The following FAM174B variants were observed in gnomAD, a reference collection of about 807,000 sequenced individuals.
FAM174B encodes the protein family with sequence similarity 174 member B.
A neutral mutation model predicts 10.9 loss-of-function variants in FAM174B; 12 were observed. The observed-to-expected ratio is 1.10, with a 90% CI of 0.71 to 1.79. FAM174B has a LOEUF of 1.79. Among genes scored for constraint, FAM174B ranks in the 40% most tolerant of loss-of-function variants. FAM174B has a pLI of 0.00. For synonymous variants in FAM174B, 132 were observed against 115.8 expected, an observed-to-expected ratio of 1.14 and a Z score of -0.90; for missense variants, 266 against 233.3, an observed-to-expected ratio of 1.14 and a Z score of -0.91.
At chr15:92,652,585 G>C (rs187374909) in intron 1 of FAM174B, among the ~76,000 whole-genome samples, 5 of 152,256 alleles carry the variant, frequency 3.3e-5, no homozygotes, top group Admixed American at 2.0e-4. Flanking sequence ...GATGAGACAG[G>C]CATTCCTGCA....
At chr15:92,646,323 T>G (rs62022578) in intron 1 of FAM174B, among the ~76,000 whole-genome samples, 22,830 of 152,192 alleles carry the variant, frequency 0.15, 1,944 homozygotes, top group East Asian at 0.3. Context: ...TGGAATTGGC[T>G]TCCAAAATCC....
At position 92,621,247 on chromosome 15, in the gene FAM174B, T is replaced by C. The variant is rs546021130; in HGVS notation, c.477-1788A>G. Among the ~76,000 whole-genome samples, 8 of 152,346 alleles carry C rather than the reference T, an allele frequency of 5.3e-5. No individual in the cohort carries two copies. The South Asian group carries it at 1.7e-3, about 32-fold the overall frequency. Reference sequence around the variant, plus strand: ...AACAGGAAAATATGAGTTAAAAGTATAGGGTGTTCCCTACGCTATTTTTAT... The same window carrying C: ...AACAGGAAAATATGAGTTAAAAGTACAGGGTGTTCCCTACGCTATTTTTAT... On this transcript the variant is annotated intron_variant, in intron 2 of 2. Transcript: ENST00000327355.
intron 2 of FAM174B, chr15:92,619,708 T>A (rs1330206895): frequency 8.8e-6 from 5 of 571,026 alleles, no homozygotes; most frequent in Non-Finnish European, 1.6e-5. Flanking sequence ...GAACACAACC[T>A]CTTTCTCCTT....
intron 2 of FAM174B, 138 bp from the exon 3 acceptor site, chr15:92,619,597 G>A (rs1207268872): frequency 1.7e-5 from 17 of 977,108 alleles, no homozygotes; most frequent in East Asian, 7.7e-5. Flanking sequence ...ACCTTTGAGC[G>A]TGCTGTCTGG....
chr15:92,652,407 G>A (rs183002471), intron 1 of FAM174B, among the ~76,000 whole-genome samples: 5 of 152,252 alleles, frequency 3.3e-5, no homozygotes, highest in Admixed American at 1.3e-4. Context: ...CTCAGGCCAC[G>A]CAGTGCCTCC....
chr15:92,627,131 T>C (rs1321768463), intron 2 of FAM174B: 1 of 151,860 alleles, frequency 6.6e-6, no homozygotes, highest in Non-Finnish European at 1.5e-5. Context: ...AGAGATGGAA[T>C]GCACATCATT....
intron 2 of FAM174B, chr15:92,627,522 C>T (rs2050760988): frequency 6.5e-6 from 1 of 154,344 alleles, no homozygotes; most frequent in Non-Finnish European, 1.5e-5. Flanking sequence ...AGGGAAAGGC[C>T]CCTTTTCCCA....
chr15:92,634,965 T>G (rs746878218), intron 1 of FAM174B, among the ~76,000 whole-genome samples: 23 of 152,324 alleles, frequency 1.5e-4, no homozygotes, highest in Non-Finnish European at 2.6e-4. Flanking sequence ...ATCGGCTCTT[T>G]GTGAGTCTGC....
intron 1 of FAM174B, among the ~76,000 whole-genome samples, chr15:92,654,730 C>G (rs539026726): frequency 2.0e-5 from 3 of 151,050 alleles, no homozygotes; most frequent in East Asian, 3.9e-4. Flanking sequence ...ACCCCTCCAG[C>G]GTAATTCTGG....
rs568399521 is a variant in FAM174B, at chr15:92,630,596, T to C, written c.345-251A>G. 4.3e-4 allele frequency among the ~76,000 whole-genome samples: 66 copies of C among 151,850 alleles called. 1 individual carries two copies. In the South Asian group the frequency reaches 0.012, roughly 29 times the overall value. ...TTATGGTCATGGGACCTCAAGTGAG[T>C]GACCGACCTCGCTAACCCTTAAAGC... On this transcript the variant is annotated intron_variant, in intron 1 of 2. Transcript: ENST00000327355.
intron 2 of FAM174B, chr15:92,619,690 A>AT: frequency 8.9e-5 from 52 of 581,626 alleles, no homozygotes; most frequent in South Asian, 2.7e-4. Flanking sequence ...CCCCACACAG[A>AT]CTCCCTAGAA....
Position 92,617,563 on chromosome 15 carries a change from A to T in FAM174B, c.*1893T>A. On this transcript the variant is annotated 3_prime_UTR_variant, in exon 3 of 3. Coordinates refer to ENST00000327355, the MANE Select transcript of FAM174B (RefSeq NM_207446.3). Reference sequence around the variant, plus strand: ...CCAGGACCAGTGGCAAGCACCTGGCAGATGGAGCCCGGGTGTTTCTGCGTA... The same window carrying T: ...CCAGGACCAGTGGCAAGCACCTGGCTGATGGAGCCCGGGTGTTTCTGCGTA... The T allele has an allele frequency of 1.9e-6, 1 of 538,058 alleles. No individual in the cohort carries two copies. Among genetic ancestry groups the T allele is most frequent in the Non-Finnish European group, 3.3e-6 (1 of 305,396 alleles). The allele number at this position is 538,058 out of a possible 1,614,324, so 33.3% of individuals were successfully genotyped here.
At chr15:92,643,839 C>T (rs2141961837) in intron 1 of FAM174B, among the ~76,000 whole-genome samples, 1 of 152,266 alleles carries the variant, frequency 6.6e-6, no homozygotes, top group Admixed American at 6.5e-5. Flanking sequence ...CTGCCAAAAC[C>T]ATATTACTTG....
intron 1 of FAM174B, 74 bp downstream of exon 1, chr15:92,655,242 G>A: frequency 1.4e-6 from 2 of 1,442,210 alleles, no homozygotes; most frequent in Admixed American, 2.7e-5. Flanking sequence ...AGGTGGGGCG[G>A]GCGCGCGGCG....
chr15:92,654,275 G>A (rs1486252686), intron 1 of FAM174B, among the ~76,000 whole-genome samples: 1 of 152,176 alleles, frequency 6.6e-6, no homozygotes, highest in African/African-American at 2.4e-5. Context: ...AAGCCCTGAA[G>A]CCCAACCTGC....
intron 2 of FAM174B, among the ~76,000 whole-genome samples, chr15:92,629,037 C>T (rs2050773119): frequency 6.6e-6 from 1 of 152,176 alleles, no homozygotes; most frequent in African/African-American, 2.4e-5. Context: ...AAATCCCAAA[C>T]ATTGTCTTGT....
chr15:92,645,111 A>T (rs1295981021), intron 1 of FAM174B, among the ~76,000 whole-genome samples: 1 of 152,224 alleles, frequency 6.6e-6, no homozygotes. Context: ...TTAGTAACTC[A>T]GCTCAAAATC....
intron 1 of FAM174B, chr15:92,634,719 C>A (rs909395317): frequency 6.6e-6 from 1 of 152,200 alleles, no homozygotes; most frequent in African/African-American, 2.4e-5. Context: ...GGTGCCCAGA[C>A]GTTTGGTCAC....
At chr15:92,631,630 G>T (rs2141955357) in intron 1 of FAM174B, among the ~76,000 whole-genome samples, 1 of 145,800 alleles carries the variant, frequency 6.9e-6, no homozygotes, top group South Asian at 2.2e-4. Context: ...GAGTAGCTGG[G>T]ACTACAGGCG....
Sources: gnomAD v4.1 joint callset for allele counts (sites outside exome capture counted in the v4.1 genomes callset) on GRCh38, gnomAD v4.1.1 for gene constraint, MANE v1.5 for transcripts, NCBI Gene and HGNC (gene_info 2026-07-23, HGNC 2026-07-21) for gene names.